TENM4: variants seen among roughly 807,000 people sequenced by gnomAD.
TENM4 encodes the protein teneurin-4.
TENM4 carries 82 observed loss-of-function variants against 243.3 expected under a neutral mutation model. That is an observed-to-expected ratio of 0.34 (90% CI 0.28 to 0.40). The LOEUF (loss-of-function observed/expected upper bound fraction) is 0.40, where lower values mean the gene tolerates loss of function less well. Among genes scored for constraint, TENM4 ranks in the 10% least tolerant of loss-of-function variants. The pLI is 1.00. For missense variants in TENM4, 3,138 were observed against 3,673.3 expected (o/e 0.85, Z 3.77); for synonymous variants, 1,412 against 1,456.3 (o/e 0.97, Z 0.69).
chr11:79,088,820 G>A (rs1482776506), intron 4 of TENM4, among the ~76,000 whole-genome samples: 2 of 152,178 alleles, frequency 1.3e-5, no homozygotes, highest in South Asian at 2.1e-4. Context: ...GGCCCCATCT[G>A]TGCTGGGATT....
intron 9 of TENM4, among the ~76,000 whole-genome samples, chr11:78,870,488 A>T (rs1859093447): frequency 6.6e-6 from 1 of 152,200 alleles, no homozygotes; most frequent in South Asian, 2.1e-4. Context: ...GCCTGTCAGG[A>T]TCCCACTGAT....
chr11:79,319,347 G>C lies in TENM4; in HGVS notation c.-320-21804C>G, dbSNP rs141766881. ...AGAAGACAGTCTATTTCCAGTTACA[G>C]GTTTCGGAAAAGGAAATCTGCTCAC... On this transcript the variant is annotated intron_variant, in intron 1 of 33. Transcript: ENST00000278550. Among the ~76,000 whole-genome samples the C allele has an allele frequency of 1.8e-4, 27 of 152,216 alleles. No homozygotes were observed. The East Asian group carries it at 4.6e-3, about 26-fold the overall frequency.
chr11:78,735,838 A>ACCCCC (rs145542969), intron 20 of TENM4, among the ~76,000 whole-genome samples: 82 of 131,544 alleles, frequency 6.2e-4, no homozygotes, highest in Non-Finnish European at 1.1e-3. Flanking sequence ...CTTGGCTCCC[A>ACCCCC]CCCCTCCCCT....
At chr11:79,276,359 G>A (rs75936444) in intron 2 of TENM4, among the ~76,000 whole-genome samples, 370 of 152,366 alleles carry the variant, frequency 2.4e-3, no homozygotes, top group African/African-American at 8.7e-3. Flanking sequence ...TGGAGGAAGG[G>A]CATTGTCTTC....
intron 1 of TENM4, among the ~76,000 whole-genome samples, chr11:79,344,507 A>G (rs1857295205): frequency 6.6e-6 from 1 of 152,202 alleles, no homozygotes; most frequent in Non-Finnish European, 1.5e-5. Context: ...AACTTACAGA[A>G]AGAGAGTACA....
chr11:78,778,444 T>G (rs1421301514), intron 17 of TENM4, among the ~76,000 whole-genome samples, 158 bp downstream of exon 17: 1 of 152,186 alleles, frequency 6.6e-6, no homozygotes, highest in Non-Finnish European at 1.5e-5. Context: ...CCATCCCCTT[T>G]GGGCAATGGA....
intron 2 of TENM4, among the ~76,000 whole-genome samples, chr11:79,262,868 C>G (rs1352133481): frequency 6.6e-6 from 1 of 152,160 alleles, no homozygotes; most frequent in Non-Finnish European, 1.5e-5. Context: ...TGAGATGATA[C>G]ATATAGGTGA....
chr11:78,985,002 G>A (rs1857886377), intron 6 of TENM4, among the ~76,000 whole-genome samples: 1 of 152,056 alleles, frequency 6.6e-6, no homozygotes, highest in South Asian at 2.1e-4. Flanking sequence ...CGGAATCCTG[G>A]CCCTACCACT....
At chr11:79,424,134 C>T (rs566777740) in intron 1 of TENM4, among the ~76,000 whole-genome samples, 20 of 152,302 alleles carry the variant, frequency 1.3e-4, no homozygotes, top group Admixed American at 9.1e-4. Flanking sequence ...CAACCAGGGA[C>T]GGACAATCTT....
intron 4 of TENM4, among the ~76,000 whole-genome samples, chr11:79,091,265 G>C (rs1483950647): frequency 6.6e-6 from 1 of 152,158 alleles, no homozygotes; most frequent in Non-Finnish European, 1.5e-5. Context: ...TAAAGTATCA[G>C]CTTGTCAGCC....
chr11:79,049,143 T>A (rs1004364), intron 6 of TENM4, among the ~76,000 whole-genome samples: 6,254 of 152,204 alleles, frequency 0.041, 199 homozygotes, highest in African/African-American at 0.082. Flanking sequence ...TGGCACAGAT[T>A]GCTGAATGGG....
At chr11:79,090,017 G>C (rs1860908534) in intron 4 of TENM4, among the ~76,000 whole-genome samples, 2 of 152,162 alleles carry the variant, frequency 1.3e-5, no homozygotes, top group African/African-American at 4.8e-5. Flanking sequence ...ATGTCACAGG[G>C]GCAGGCAGAT....
chr11:78,781,140 G>T (rs1353802654), intron 16 of TENM4, among the ~76,000 whole-genome samples: 1 of 152,238 alleles, frequency 6.6e-6, no homozygotes, highest in East Asian at 1.9e-4. Context: ...AGTCCATACT[G>T]TGGTTGCTTT....
intron 9 of TENM4, among the ~76,000 whole-genome samples, chr11:78,887,238 A>G (rs1855566318): frequency 6.6e-6 from 1 of 152,152 alleles, no homozygotes; most frequent in African/African-American, 2.4e-5. Flanking sequence ...TCCTCTTTCA[A>G]GTCTTTGTAA....
intron 10 of TENM4, among the ~76,000 whole-genome samples, chr11:78,862,262 T>C (rs530001278): frequency 6.6e-6 from 1 of 152,158 alleles, no homozygotes; most frequent in South Asian, 2.1e-4. Context: ...ATTTACTGGC[T>C]GTGTGACTCT....
chr11:79,174,363 C>T (rs1863114696), intron 3 of TENM4, among the ~76,000 whole-genome samples: 1 of 152,122 alleles, frequency 6.6e-6, no homozygotes, highest in African/African-American at 2.4e-5. Flanking sequence ...AAAGACTGGG[C>T]TGGAATTTTG....
At chr11:79,348,591 G>T (rs1590898880) in intron 1 of TENM4, among the ~76,000 whole-genome samples, 1 of 152,202 alleles carries the variant, frequency 6.6e-6, no homozygotes, top group East Asian at 1.9e-4. Context: ...ATTAGGTCAT[G>T]AGGGTGAGAC....
intron 9 of TENM4, among the ~76,000 whole-genome samples, chr11:78,877,802 G>A (rs908024121): frequency 6.6e-6 from 1 of 152,196 alleles, no homozygotes; most frequent in Non-Finnish European, 1.5e-5. Context: ...AACACATCTT[G>A]TTTGCCAGGG....
chr11:78,904,594 C>G (rs926891669), intron 6 of TENM4, among the ~76,000 whole-genome samples: 2 of 152,158 alleles, frequency 1.3e-5, no homozygotes, highest in African/African-American at 4.8e-5. Flanking sequence ...GAGTCCCGTT[C>G]TGAGCCTTCT....
Sources: gnomAD v4.1 joint callset for allele counts (sites outside exome capture counted in the v4.1 genomes callset) on GRCh38, gnomAD v4.1.1 for gene constraint, MANE v1.5 for transcripts, NCBI Gene and HGNC (gene_info 2026-07-23, HGNC 2026-07-21) for gene names.